Variants in VHL observed in about 807,000 individuals in gnomAD.
The protein encoded by VHL is von Hippel-Lindau tumor suppressor, also known as von Hippel-Lindau disease tumor suppressor.
Under a neutral mutation model 19.2 loss-of-function variants are expected in VHL, and 10 were observed. The ratio of observed to expected loss-of-function variants is 0.52; its 90% CI spans 0.32 to 0.89. The LOEUF (loss-of-function observed/expected upper bound fraction) is 0.89, where lower values mean the gene tolerates loss of function less well. Among genes scored for constraint, VHL ranks in the 40% least tolerant of loss-of-function variants. VHL has a pLI of 0.03. For synonymous variants in VHL, 167 were observed against 129.5 expected (o/e 1.29, Z -1.97); for missense variants, 328 against 292.7 (o/e 1.12, Z -0.88).
At chr3:10,149,317 T>C (rs1458582537) in intron 2 of VHL, among the ~76,000 whole-genome samples, 1 of 151,846 alleles carries the variant, frequency 6.6e-6, no homozygotes, top group Non-Finnish European at 1.5e-5. Flanking sequence ...TTTCGCCATG[T>C]TGCCAGGCTG....
rs752673498 is a variant in VHL, at chr3:10,150,998, ATCC to A, written c.*1038_*1040del. 1.0e-5 allele frequency: 2 copies of A among 194,528 alleles called. No individual in the cohort carries two copies. Among genetic ancestry groups the A allele is most frequent in the Non-Finnish European group, 2.1e-5 (2 of 93,602 alleles). 12.1% of individuals were successfully genotyped at this position (194,528 alleles called of 1,614,324 possible). A position where few individuals can be genotyped will look rare whatever the true frequency, so the allele number is the denominator to read the frequency against. On this transcript the variant is annotated 3_prime_UTR_variant, in exon 3 of 3. Transcript: ENST00000256474. ...AACCTCTGCCTCCTGGGTTCACGTA[ATCC>A]TCCTGAGTAGCTGGGATTACAGGCG...
At chr3:10,149,506 C>T (rs1313466099) in intron 2 of VHL, among the ~76,000 whole-genome samples, 3 of 152,170 alleles carry the variant, frequency 2.0e-5, no homozygotes, top group African/African-American at 4.8e-5. Context: ...TTTAAGGCTT[C>T]GGCCTAGAAT....
At chr3:10,142,341 C>A (rs371993022) in intron 1 of VHL, among the ~76,000 whole-genome samples, 154 bp downstream of exon 1, 1 of 107,960 alleles carries the variant, frequency 9.3e-6, no homozygotes. Flanking sequence ...TCAGAGCATT[C>A]TTTTTTTTTT....
chr3:10,147,763 T>C (rs1696298625), intron 2 of VHL, among the ~76,000 whole-genome samples: 1 of 151,948 alleles, frequency 6.6e-6, no homozygotes, highest in Non-Finnish European at 1.5e-5. Context: ...AATAAACTGA[T>C]GTTCCTGTGG....
intron 1 of VHL, among the ~76,000 whole-genome samples, chr3:10,145,705 CAA>C (rs35732631): frequency 4.5e-5 from 6 of 133,750 alleles, no homozygotes; most frequent in African/African-American, 5.6e-5. Flanking sequence ...GACTGCATCT[CAA>C]AAAAAAAAAA....
At chr3:10,144,656 C>T (rs1240156310) in intron 1 of VHL, among the ~76,000 whole-genome samples, 1 of 152,022 alleles carries the variant, frequency 6.6e-6, no homozygotes, top group Non-Finnish European at 1.5e-5. Context: ...GGACTATAGG[C>T]ATGCTCCACT....
At chr3:10,149,105 T>TC (rs1696337076) in intron 2 of VHL, among the ~76,000 whole-genome samples, 1 of 150,262 alleles carries the variant, frequency 6.7e-6, no homozygotes. Flanking sequence ...TTTTTTTTTT[T>TC]TCTCTTTTCT....
At chr3:10,147,985 A>G (rs1040358735) in intron 2 of VHL, among the ~76,000 whole-genome samples, 2 of 151,740 alleles carry the variant, frequency 1.3e-5, no homozygotes, top group South Asian at 2.1e-4. Context: ...GGTCACAGCT[A>G]TTTGGGAGGC....
At chr3:10,144,927 ATT>A (rs763470723) in intron 1 of VHL, among the ~76,000 whole-genome samples, 3 of 152,212 alleles carry the variant, frequency 2.0e-5, no homozygotes, top group Non-Finnish European at 4.4e-5. Flanking sequence ...TGAATTGTAC[ATT>A]TAAAAATGGT....
At chr3:10,149,650 A>G in intron 2 of VHL, 137 bp from the exon 3 acceptor site, 4 of 754,918 alleles carry the variant, frequency 5.3e-6, no homozygotes, top group Non-Finnish European at 6.9e-6. Context: ...ACACTGCCAC[A>G]TACATGCACT....
chr3:10,142,509 C>G (rs1696151721), intron 1 of VHL: 1 of 368,936 alleles, frequency 2.7e-6, no homozygotes, highest in East Asian at 5.9e-5. Context: ...CCGCGCCCGG[C>G]TGATTTTTAT....
chr3:10,148,194 A>G (rs944806938), intron 2 of VHL, among the ~76,000 whole-genome samples: 2 of 152,136 alleles, frequency 1.3e-5, no homozygotes, highest in Admixed American at 6.5e-5. Context: ...GGAAGTAGAT[A>G]TATAAAAATG....
chr3:10,144,570 G>A (rs1470361230), intron 1 of VHL, among the ~76,000 whole-genome samples: 2 of 146,712 alleles, frequency 1.4e-5, no homozygotes, highest in African/African-American at 5.2e-5. Context: ...GAGTTTGGTG[G>A]CATGATCACG....
In VHL at chr3:10,152,883, C is replaced by G. The variant is rs2125132717; in HGVS notation, c.*2918C>G. Among the ~76,000 whole-genome samples the G allele has an allele frequency of 6.6e-6, 1 of 152,268 alleles. No individual in the cohort carries two copies. The highest frequency in any genetic ancestry group is 1.5e-5 in the Non-Finnish European group (1 of 68,018). ...GCAGGCCGAGCACAGTGGCTCATGCCTGTAATCCCAGCATTTTGGGAGACC... is the reference window on the plus strand; with the variant it reads ...GCAGGCCGAGCACAGTGGCTCATGCGTGTAATCCCAGCATTTTGGGAGACC... On this transcript the variant is annotated 3_prime_UTR_variant, in exon 3 of 3. Coordinates refer to ENST00000256474, the MANE Select transcript of VHL (RefSeq NM_000551.4).
Position 10,149,944 on chromosome 3 carries a change from A to T in VHL, c.621A>T (p.Ala207=), listed in dbSNP as rs2125130855. 6.2e-7 allele frequency: 1 copy of T among 1,614,076 alleles called. No individual in the cohort carries two copies. Among genetic ancestry groups the T allele is most frequent in the Non-Finnish European group, 8.5e-7 (1 of 1,179,980 alleles). Residue 207 remains alanine, a synonymous_variant, in exon 3 of 3, where the codon GCA becomes GCT. Coordinates refer to ENST00000256474, the MANE Select transcript of VHL (RefSeq NM_000551.4). ...DLERLTQERI[A]HQRMGD ...AGCGGCTGACACAGGAGCGCATTGC[A>T]CATCAACGGATGGGAGATTGAAGAT...
At chr3:10,144,496 C>CTTTTTTTTTTTTTTT (rs34512214) in intron 1 of VHL, among the ~76,000 whole-genome samples, 2 of 116,658 alleles carry the variant, frequency 1.7e-5, no homozygotes, top group African/African-American at 3.5e-5. Context: ...TCTATCTTGT[C>CTTTTTTTTTTTTTTT]TTTTTTTTTT....
At chr3:10,143,550 C>A (rs1489475412) in intron 1 of VHL, among the ~76,000 whole-genome samples, 3 of 151,988 alleles carry the variant, frequency 2.0e-5, no homozygotes, top group Non-Finnish European at 4.4e-5. Context: ...CTGGTTCAAG[C>A]GATTCTCCTG....
chr3:10,141,874 C>A lies in VHL; in HGVS notation c.27C>A (p.Asp9Glu), dbSNP rs1017141110. 111 of 1,533,966 alleles carry A rather than the reference C, an allele frequency of 7.2e-5. No homozygotes were observed. Among genetic ancestry groups the A allele is most frequent in the Non-Finnish European group, 9.5e-5 (108 of 1,138,468 alleles). Residue 9 changes from aspartate to glutamate, a missense_variant, in exon 1 of 3, where the codon GAC becomes GAA. Coordinates refer to ENST00000256474, the MANE Select transcript of VHL (RefSeq NM_000551.4). ...TGCCCCGGAGGGCGGAGAACTGGGA[C>A]GAGGCCGAGGTAGGCGCGGAGGAGG... is the stretch of plus-strand genomic sequence containing the variant. MPRRAENW[D>E]EAEVGAEEAG...
chr3:10,143,609 A>T (rs1334608170), intron 1 of VHL, among the ~76,000 whole-genome samples: 2 of 151,758 alleles, frequency 1.3e-5, no homozygotes, highest in East Asian at 3.9e-4. Flanking sequence ...TACCATTCCC[A>T]GCTAATTTTT....
Sources: gnomAD v4.1 joint callset for allele counts (sites outside exome capture counted in the v4.1 genomes callset) on GRCh38, gnomAD v4.1.1 for gene constraint, MANE v1.5 for transcripts, NCBI Gene and HGNC (gene_info 2026-07-23, HGNC 2026-07-21) for gene names.